The following IRAG2 variants were observed in gnomAD, a reference collection of about 807,000 sequenced individuals.
IRAG2 encodes inositol 1,4,5-triphosphate receptor associated 2.
A neutral mutation model predicts 69.9 loss-of-function variants in IRAG2; 45 were observed. The ratio of observed to expected loss-of-function variants is 0.64; its 90% CI spans 0.51 to 0.83. IRAG2 has a LOEUF of 0.83. Ranked by LOEUF, IRAG2 falls within the 40% of genes least tolerant of loss-of-function variation. The pLI, the probability that IRAG2 is intolerant of heterozygous loss-of-function variation, is 0.00. For missense variants in IRAG2, 520 were observed against 587.0 expected (o/e 0.89, Z 1.18); for synonymous variants, 193 against 202.4 (o/e 0.95, Z 0.40).
At chr12:25,007,723 TG>T (rs1381484703) in intron 2 of IRAG2, among the ~76,000 whole-genome samples, 4 of 152,238 alleles carry the variant, frequency 2.6e-5, no homozygotes, top group Non-Finnish European at 4.4e-5. Context: ...GGTTTCACCA[TG>T]TTGGCCAGGC....
chr12:25,084,400 A>C (rs1239104042), intron 10 of IRAG2, among the ~76,000 whole-genome samples: 1 of 152,050 alleles, frequency 6.6e-6, no homozygotes, highest in Non-Finnish European at 1.5e-5. Context: ...AAAAAGAAAA[A>C]AAAGAGAGAG....
chr12:25,011,241 G>A, intron 2 of IRAG2: 1 of 759,858 alleles, frequency 1.3e-6, no homozygotes, highest in Non-Finnish European at 1.8e-6. Context: ...TACCATGCCA[G>A]CTCCGCAGGA....
At chr12:25,030,118 G>A (rs1348338439) in intron 9 of IRAG2, among the ~76,000 whole-genome samples, 1 of 152,106 alleles carries the variant, frequency 6.6e-6, no homozygotes, top group Non-Finnish European at 1.5e-5. Context: ...TGAGAGCAAT[G>A]ATGCCTGCCT....
At chr12:25,107,269 A>G (rs1217299509) in intron 21 of IRAG2, among the ~76,000 whole-genome samples, 1 of 152,166 alleles carries the variant, frequency 6.6e-6, no homozygotes, top group Non-Finnish European at 1.5e-5. Flanking sequence ...TATATGTTAT[A>G]TTCTATTTTA....
intron 1 of IRAG2, among the ~76,000 whole-genome samples, chr12:25,055,083 A>G (rs995932549): frequency 7.2e-5 from 11 of 152,254 alleles, no homozygotes; most frequent in African/African-American, 2.7e-4. Context: ...AAAGTATTTC[A>G]GACAATTGTT....
chr12:25,069,818 GA>G (rs1415022350), intron 6 of IRAG2, among the ~76,000 whole-genome samples: 2 of 152,204 alleles, frequency 1.3e-5, no homozygotes, highest in Admixed American at 6.5e-5. Context: ...GATAATCTTT[GA>G]GGGGCTGGTA....
rs1947061908 is a variant in IRAG2, at chr12:25,079,639, G to T, written c.137-17G>T. 1.3e-6 allele frequency: 2 copies of T among 1,504,596 alleles called. No individual in the cohort carries two copies. The highest frequency in any genetic ancestry group is 1.7e-5 in the Admixed American group (1 of 59,832). The allele number at this position is 1,504,596 out of a possible 1,614,324, so 93.2% of individuals were successfully genotyped here. A position where few individuals can be genotyped will look rare whatever the true frequency, so the allele number is the denominator to read the frequency against. ...TATGTGCATAGTATTCGCACCATTT[G>T]TTTCTCCTGTTGACAGATCCTGGAT... On this transcript the variant is annotated splice_polypyrimidine_tract_variant and intron_variant, in intron 8 of 21. Coordinates refer to ENST00000556887, the MANE Select transcript of IRAG2 (RefSeq NM_001366544.2).
At chr12:25,101,708 A>G (rs1948758039) in intron 16 of IRAG2, among the ~76,000 whole-genome samples, 1 of 152,230 alleles carries the variant, frequency 6.6e-6, no homozygotes, top group Non-Finnish European at 1.5e-5. Flanking sequence ...TTCCTCACGG[A>G]AGGAATGACC....
chr12:25,014,514 G>A (rs1359242355), intron 3 of IRAG2, among the ~76,000 whole-genome samples: 1 of 152,070 alleles, frequency 6.6e-6, no homozygotes, highest in Non-Finnish European at 1.5e-5. Flanking sequence ...CTTAGGTTAA[G>A]TAACAAAACT....
intron 20 of IRAG2, among the ~76,000 whole-genome samples, chr12:25,105,462 C>T (rs1295830867): frequency 6.6e-6 from 1 of 152,082 alleles, no homozygotes; most frequent in Non-Finnish European, 1.5e-5. Context: ...TCGTGAGTGC[C>T]TACCATGGGA....
intron 6 of IRAG2, chr12:25,075,950 C>G: frequency 6.6e-6 from 1 of 152,088 alleles, no homozygotes; most frequent in African/African-American, 2.4e-5. Context: ...GCCTGGTTTG[C>G]TGGTTTAAAT....
At chr12:25,056,024 C>CTGA (rs768628651) in intron 1 of IRAG2, among the ~76,000 whole-genome samples, 28 of 152,156 alleles carry the variant, frequency 1.8e-4, no homozygotes, top group African/African-American at 6.5e-4. Flanking sequence ...CTGGGAAACT[C>CTGA]TGATATAGCA....
intron 2 of IRAG2, among the ~76,000 whole-genome samples, chr12:25,010,646 CTT>C (rs150791646): frequency 2.0e-5 from 3 of 149,742 alleles, no homozygotes; most frequent in Non-Finnish European, 4.5e-5. Context: ...AATTAAGAGA[CTT>C]TTTTTTTTCT....
At chr12:25,020,885 T>C (rs1340329899) in exon 7 of IRAG2, 6 of 1,231,628 alleles carry the variant, frequency 4.9e-6, no homozygotes, top group Middle Eastern at 3.1e-4. Context: ...AAGAGCATGA[T>C]TGTAGCCCAG....
rs766913522 is a variant in IRAG2 at position 25,108,053 on chromosome 12, C to T, written c.1493C>T (p.Pro498Leu). ...FTRLRHNGPP[P>L]V is the part of the protein sequence containing the mutation. ...AGACTCCGACACAATGGGCCACCAC[C>T]AGTGTGACAGCAGGACATCCTAATA... The change falls in exon 22 of 22, where the codon CCA (proline) becomes CTA (leucine). Residue 498 changes from proline to leucine, a missense_variant. By Grantham distance (98) the Pro-to-Leu change is moderately conservative (BLOSUM62 -3). Coordinates refer to ENST00000556887, the MANE Select transcript of IRAG2 (RefSeq NM_001366544.2). The T allele has an allele frequency of 2.5e-6, 4 of 1,613,346 alleles. No individual in the cohort carries two copies. The highest frequency in any genetic ancestry group is 2.7e-5 in the African/African-American group (2 of 74,906).
chr12:25,096,902 C>G lies in IRAG2; in HGVS notation c.607-8C>G, dbSNP rs760654911. On this transcript the variant is annotated splice_region_variant and splice_polypyrimidine_tract_variant and intron_variant, in intron 14 of 21. Transcript: ENST00000556887. ...TAGATATCTTTTAATATGCTGTTTT[C>G]TATACAGTCTTTAACACCTCTGTGT... The G allele has an allele frequency of 6.2e-6, 10 of 1,603,374 alleles. No homozygotes were observed. The highest frequency in any genetic ancestry group is 1.3e-5 in the African/African-American group (1 of 74,196).
intron 20 of IRAG2, 105 bp downstream of exon 20, chr12:25,104,567 G>T (rs1273617261): frequency 1.6e-5 from 11 of 702,454 alleles, no homozygotes; most frequent in Non-Finnish European, 2.8e-5. Flanking sequence ...TAATTAAAAA[G>T]ATAATTCATT....
At chr12:25,032,932 CCCT>C (rs1245976827) in intron 12 of IRAG2, among the ~76,000 whole-genome samples, 8 of 150,424 alleles carry the variant, frequency 5.3e-5, no homozygotes, top group Non-Finnish European at 8.8e-5. Flanking sequence ...TTTTCCCTTA[CCCT>C]GGAACTAAGT....
rs768030368 is a variant in IRAG2, at chr12:25,101,158, C to A, written c.742-20C>A. The A allele has an allele frequency of 6.3e-7, 1 of 1,582,270 alleles. No homozygotes were observed. The highest frequency in any genetic ancestry group is 1.8e-5 in the Admixed American group (1 of 55,790). On this transcript the variant is annotated intron_variant, in intron 15 of 21. Transcript: ENST00000556887. ...GAGTAGTATTTTCAATGTAAATGTGCTCGTTTTTTCTCTTGCTAGGAAAGC... is the reference window on the plus strand; with the variant it reads ...GAGTAGTATTTTCAATGTAAATGTGATCGTTTTTTCTCTTGCTAGGAAAGC...
Sources: allele counts gnomAD v4.1 joint callset (sites outside exome capture counted in the v4.1 genomes callset), GRCh38; gene constraint gnomAD v4.1.1; transcripts MANE v1.5; gene names NCBI Gene and HGNC (gene_info 2026-07-23, HGNC 2026-07-21).